ESS2: variants seen among roughly 807,000 people sequenced by gnomAD.
ESS2 encodes the protein splicing factor ESS-2 homolog.
ESS2 carries 31 observed loss-of-function variants against 52.0 expected under a neutral mutation model. The observed-to-expected ratio is 0.60, with a 90% CI of 0.45 to 0.81. ESS2 has a LOEUF of 0.81. ESS2 is among the 30% of genes least tolerant of loss of function. The probability of loss-of-function intolerance (pLI) is 0.00; values close to 1 mark genes in which losing one functional copy is unlikely to be tolerated. For missense variants in ESS2, 602 were observed against 637.2 expected (o/e 0.94, Z 0.59); for synonymous variants, 285 against 259.2 (o/e 1.10, Z -0.95).
Position 19,132,783 on chromosome 22 carries a change from G to A in ESS2, c.*1413C>T, listed in dbSNP as rs902185654. The A allele has an allele frequency of 1.1e-5, 4 of 379,256 alleles. No individual in the cohort carries two copies. The highest frequency in any genetic ancestry group is 4.1e-5 in the African/African-American group (2 of 48,296). The allele number at this position is 379,256 out of a possible 1,614,324, so 23.5% of individuals were successfully genotyped here. A position where few individuals can be genotyped will look rare whatever the true frequency, so the allele number is the denominator to read the frequency against. On this transcript the variant is annotated 3_prime_UTR_variant, in exon 10 of 10. Transcript: ENST00000252137. This position sits in a 1 kb window ranked among gnomAD's most constrained non-coding sequence, Gnocchi z 4.2. Reference sequence around the variant, plus strand: ...TGACACACAGTGGTCTCCGGCCTAGGAGCACAGGACAGATGCTCAGGTACA... The same window carrying A: ...TGACACACAGTGGTCTCCGGCCTAGAAGCACAGGACAGATGCTCAGGTACA...
intron 1 of ESS2, chr22:19,143,920 T>G: frequency 5.0e-6 from 2 of 400,694 alleles, no homozygotes; most frequent in Non-Finnish European, 3.4e-6. Flanking sequence ...TACCACAAGT[T>G]GAGATTCCCA....
rs1332297015 is a variant in ESS2, at chr22:19,142,525, C to G, written c.400+13G>C. 1 of 1,585,758 alleles carries G rather than the reference C, an allele frequency of 6.3e-7. No homozygotes were observed. The highest frequency in any genetic ancestry group is 1.4e-5 in the African/African-American group (1 of 73,722). ...TCCTGACCATGTGACTTAAAGAGGGCACCCTCACTCACCATCCTCCAGGCC... is the reference window on the plus strand; with the variant it reads ...TCCTGACCATGTGACTTAAAGAGGGGACCCTCACTCACCATCCTCCAGGCC... On this transcript the variant is annotated intron_variant, in intron 3 of 9. Transcript: ENST00000252137.
chr22:19,134,536 G>A, intron 9 of ESS2, 61 bp from the exon 10 acceptor site: 1 of 1,462,642 alleles, frequency 6.8e-7, no homozygotes, highest in Non-Finnish European at 9.0e-7. Context: ...GCCGGCAGCA[G>A]GGCCTCCCTT....
In ESS2 at chr22:19,133,046, A is replaced by G. The variant is rs2083525992; in HGVS notation, c.*1150T>C. ...TCCTCTTCCTCTATTTCCTGGAGTC[A>G]TGTGAGATTTCTGTCCTCAGCCCTC... On this transcript the variant is annotated 3_prime_UTR_variant, in exon 10 of 10. Transcript: ENST00000252137. The G allele has an allele frequency of 1.3e-5, 2 of 153,276 alleles. No individual in the cohort carries two copies. The highest frequency in any genetic ancestry group is 4.9e-5 in the African/African-American group (2 of 41,232). The allele number at this position is 153,276 out of a possible 1,614,324, so 9.5% of individuals were successfully genotyped here. A position where few individuals can be genotyped will look rare whatever the true frequency, so the allele number is the denominator to read the frequency against.
rs1472723738 is a variant in ESS2 at position 19,133,697 on chromosome 22, C to T, written c.*499G>A. The T allele has an allele frequency of 6.5e-6, 1 of 153,350 alleles. No individual in the cohort carries two copies. The allele number at this position is 153,350 out of a possible 1,614,324, so 9.5% of individuals were successfully genotyped here. On this transcript the variant is annotated 3_prime_UTR_variant, in exon 10 of 10. Transcript: ENST00000252137. Reference sequence around the variant, plus strand: ...TACAACTTCCAAGGGCTCCGTTTCTCCTTCATATCCCCCCAGAGAAGCAGA... The same window carrying T: ...TACAACTTCCAAGGGCTCCGTTTCTTCTTCATATCCCCCCAGAGAAGCAGA...
At position 19,142,810 on chromosome 22, in the gene ESS2, T is replaced by C; in HGVS notation, c.220A>G (p.Asn74Asp). ...TGGCGCATCCGTTCCAAGTCTCCAT[T>C]CTCCTCGGCTTCCAGGTACTCCTTC... ...AQKEYLEAEE[N>D]GDLERMRQIA... Residue 74 changes from asparagine to aspartate, a missense_variant, in exon 2 of 10, where the codon AAT becomes GAT. Coordinates refer to ENST00000252137, the MANE Select transcript of ESS2 (RefSeq NM_022719.3). 6.2e-7 allele frequency: 1 copy of C among 1,614,058 alleles called. No homozygotes were observed. Among genetic ancestry groups the C allele is most frequent in the Non-Finnish European group, 8.5e-7 (1 of 1,180,016 alleles).
chr22:19,130,456 A>G lies in ESS2; in HGVS notation c.*3740T>C. 1.1e-5 allele frequency: 3 copies of G among 278,146 alleles called. No individual in the cohort carries two copies. Among genetic ancestry groups the G allele is most frequent in the South Asian group, 7.3e-5 (2 of 27,400 alleles). 17.2% of individuals were successfully genotyped at this position (278,146 alleles called of 1,614,324 possible). A position where few individuals can be genotyped will look rare whatever the true frequency, so the allele number is the denominator to read the frequency against. The stretch of plus-strand genomic sequence containing the variant: ...TGGTAACTAATTTTGTTCCAAGGAG[A>G]AGGTCAGAGGCAAAAAAAATGCTTG... On this transcript the variant is annotated 3_prime_UTR_variant, in exon 10 of 10. Transcript: ENST00000252137.
At position 19,136,837 on chromosome 22, in the gene ESS2, G is replaced by A. The variant is rs568179826; in HGVS notation, c.1035+486C>T. ...GGAAAGGCCCGCAGTGGTATGGGGA[G>A]GCCTGTTGTATCTGACCCAGCCCAC... On this transcript the variant is annotated intron_variant, in intron 8 of 9. Coordinates refer to ENST00000252137, the MANE Select transcript of ESS2 (RefSeq NM_022719.3). Among the ~76,000 whole-genome samples the A allele has an allele frequency of 5.3e-5, 8 of 152,250 alleles. No homozygotes were observed. In the East Asian group the frequency reaches 1.5e-3, roughly 29 times the overall value.
chr22:19,141,105 A>G (rs1378895333), intron 3 of ESS2, among the ~76,000 whole-genome samples: 4 of 151,318 alleles, frequency 2.6e-5, no homozygotes, highest in African/African-American at 9.7e-5. Context: ...AACATAATGA[A>G]ACCTCATCTC....
At chr22:19,144,417 G>A in intron 1 of ESS2, 89 bp downstream of exon 1, 4 of 1,588,964 alleles carry the variant, frequency 2.5e-6, no homozygotes, top group Non-Finnish European at 3.4e-6. Flanking sequence ...CGAGGAGACG[G>A]AGTGTCAACA....
At chr22:19,142,031 C>T (rs970970276) in intron 3 of ESS2, among the ~76,000 whole-genome samples, 2 of 152,152 alleles carry the variant, frequency 1.3e-5, no homozygotes, top group Admixed American at 1.3e-4. Context: ...AATAAAATGT[C>T]TTGTGATGAA....
Position 19,130,672 on chromosome 22 carries a change from C to A in ESS2, c.*3524G>T. ...TTTGTCGACCCGAGATGGGTCCTGG[C>A]ACTAGGAATGTAAAACCGTTCCTAT... On this transcript the variant is annotated 3_prime_UTR_variant, in exon 10 of 10. Transcript: ENST00000252137. The A allele has an allele frequency of 4.0e-6, 1 of 250,918 alleles. No homozygotes were observed. Among genetic ancestry groups the A allele is most frequent in the Non-Finnish European group, 7.9e-6 (1 of 127,216 alleles). The allele number at this position is 250,918 out of a possible 1,614,324, so 15.5% of individuals were successfully genotyped here.
Position 19,135,078 on chromosome 22 carries a change from A to G in ESS2, c.1133T>C (p.Val378Ala), listed in dbSNP as rs574659489. Residue 378 changes from valine to alanine, a missense_variant, in exon 9 of 10, where the codon GTG (valine) becomes GCG (alanine). Transcript: ENST00000252137. ...CCCTCACCTGGCCAGATTCTCCGTCACTCTCCGCAAGGCTTCCTGCTTCTT... is the reference window on the plus strand; with the variant it reads ...CCCTCACCTGGCCAGATTCTCCGTCGCTCTCCGCAAGGCTTCCTGCTTCTT... ...RAKKQEALRR[V>A]TENLASLTPK... The G allele has an allele frequency of 6.2e-6, 10 of 1,613,346 alleles. No individual in the cohort carries two copies. The African/African-American group carries it at 9.3e-5, about 15-fold the overall frequency.
intron 7 of ESS2, 40 bp from the exon 8 acceptor site, chr22:19,137,472 C>T (rs2083604189): frequency 3.5e-6 from 5 of 1,440,140 alleles, no homozygotes; most frequent in Non-Finnish European, 4.8e-6. Context: ...GGCCAGAGGA[C>T]TCCCCACCAC....
chr22:19,139,285 AG>A lies in ESS2; in HGVS notation c.695del (p.Pro232LeufsTer29). 7 of 1,595,840 alleles carry A rather than the reference AG, an allele frequency of 4.4e-6. No homozygotes were observed. The highest frequency in any genetic ancestry group is 6.0e-6 in the Non-Finnish European group (7 of 1,169,658). On this transcript the variant is annotated frameshift_variant, in exon 6 of 10. Coordinates refer to ENST00000252137, the MANE Select transcript of ESS2 (RefSeq NM_022719.3). LOFTEE classifies it high-confidence loss of function. ...NSLMYYPEGV[P>X]DEEQLFKKPR... ...GCTTCTTAAACAGCTGCTCCTCGTC[AG>A]GGACACCTGGCAGACGAAGCAAAGG...
At chr22:19,136,136 G>A (rs949638624) in intron 8 of ESS2, among the ~76,000 whole-genome samples, 20 of 151,100 alleles carry the variant, frequency 1.3e-4, no homozygotes, top group South Asian at 8.4e-4. Context: ...TCAGGAGTTC[G>A]AAACCAGTCT....
In ESS2 at chr22:19,142,621, G is replaced by A. The variant is rs752018276; in HGVS notation, c.317C>T (p.Ala106Val). The A allele has an allele frequency of 6.2e-7, 1 of 1,613,470 alleles. No individual in the cohort carries two copies. The highest frequency in any genetic ancestry group is 1.7e-5 in the Admixed American group (1 of 59,856). ...ATGCACCTCAGGGGTTTCAAATGTG[G>A]CTGGAGTCACATCTAGGGGAAGAGA... ...REPPPPYVTP[A>V]TFETPEVHAG... Residue 106 changes from alanine to valine, a missense_variant, in exon 3 of 10, where the codon GCC becomes GTC. Transcript: ENST00000252137.
At chr22:19,134,966 C>T (rs926612955) in intron 9 of ESS2, 94 bp downstream of exon 9, 48 of 1,209,220 alleles carry the variant, frequency 4.0e-5, no homozygotes, top group African/African-American at 1.8e-4. Context: ...GACTCTGCCG[C>T]GTGGGCCATG....
Position 19,133,958 on chromosome 22 carries a change from T to C in ESS2, c.*238A>G, listed in dbSNP as rs1181968032. On this transcript the variant is annotated 3_prime_UTR_variant, in exon 10 of 10. Transcript: ENST00000252137. ...CAGACTGTACCTAGGTGTTCTTTAA[T>C]GACAGTTCAAGGGGCCAATTAAACA... 42 of 415,106 alleles carry C rather than the reference T, an allele frequency of 1.0e-4. No individual in the cohort carries two copies. In the East Asian group the frequency reaches 1.4e-3, roughly 14 times the overall value. The allele number at this position is 415,106 out of a possible 1,614,324, so 25.7% of individuals were successfully genotyped here. A position where few individuals can be genotyped will look rare whatever the true frequency, so the allele number is the denominator to read the frequency against.
Sources: allele counts gnomAD v4.1 joint callset (sites outside exome capture counted in the v4.1 genomes callset), GRCh38; gene constraint gnomAD v4.1.1; non-coding constraint Gnocchi (gnomAD v3.1); transcripts MANE v1.5; gene names NCBI Gene and HGNC (gene_info 2026-07-23, HGNC 2026-07-21).